Variants in MAST4 observed in about 807,000 individuals in gnomAD.
The protein encoded by MAST4 is microtubule-associated serine/threonine-protein kinase 4.
MAST4 carries 89 observed loss-of-function variants against 162.7 expected under a neutral mutation model. That is an observed-to-expected ratio of 0.55 (90% CI 0.46 to 0.65). The LOEUF (loss-of-function observed/expected upper bound fraction) is 0.65, where lower values mean the gene tolerates loss of function less well. MAST4 is among the 30% of genes least tolerant of loss of function. The probability of loss-of-function intolerance (pLI) is 0.00; values close to 1 mark genes in which losing one functional copy is unlikely to be tolerated. For missense variants in MAST4, 3,153 were observed against 3,374.0 expected (o/e 0.93, Z 1.62); for synonymous variants, 1,479 against 1,361.1 (o/e 1.09, Z -1.91).
At chr5:66,598,306 C>T (rs1742330635) in intron 1 of MAST4, among the ~76,000 whole-genome samples, 1 of 152,206 alleles carries the variant, frequency 6.6e-6, no homozygotes, top group Non-Finnish European at 1.5e-5. Flanking sequence ...AGAACTGCCT[C>T]TGCTACTGAG....
chr5:67,154,546 G>A (rs983505388), intron 26 of MAST4, among the ~76,000 whole-genome samples: 1 of 152,090 alleles, frequency 6.6e-6, no homozygotes, highest in African/African-American at 2.4e-5. Flanking sequence ...AGAGGACTCT[G>A]GCAAGGTCTC....
intron 2 of MAST4, among the ~76,000 whole-genome samples, chr5:66,764,226 A>T (rs949788659): frequency 1.3e-5 from 2 of 152,114 alleles, no homozygotes; most frequent in Non-Finnish European, 2.9e-5. Context: ...TTGGGTCCAG[A>T]TTTGTTCTAT....
rs555304852 is a variant in MAST4 at position 66,817,312 on chromosome 5, C to G, written c.642+28518C>G. Among the ~76,000 whole-genome samples, 3 of 152,226 alleles carry G rather than the reference C, an allele frequency of 2.0e-5. No individual in the cohort carries two copies. The East Asian group carries it at 5.8e-4, about 29-fold the overall frequency. On this transcript the variant is annotated intron_variant, in intron 3 of 28. Coordinates refer to ENST00000403625, the MANE Select transcript of MAST4 (RefSeq NM_001164664.2). Reference sequence around the variant, plus strand: ...TCTGACTCAGGGCATTTTTATTGCCCAGGTAGATAGTTCTCCTTTACTTGA... The same window carrying G: ...TCTGACTCAGGGCATTTTTATTGCCGAGGTAGATAGTTCTCCTTTACTTGA...
intron 4 of MAST4, among the ~76,000 whole-genome samples, chr5:66,918,006 T>C (rs1353065136): frequency 6.6e-6 from 1 of 152,092 alleles, no homozygotes; most frequent in Non-Finnish European, 1.5e-5. Flanking sequence ...AGTGTGGAGA[T>C]CTCTTTACCT....
chr5:66,876,049 G>A (rs1017640323), intron 3 of MAST4, among the ~76,000 whole-genome samples: 6 of 152,186 alleles, frequency 3.9e-5, no homozygotes, highest in Admixed American at 6.5e-5. Context: ...TTACAGGTGT[G>A]AGCCACTGTG....
intron 4 of MAST4, among the ~76,000 whole-genome samples, chr5:66,906,401 C>T (rs1763357777): frequency 6.6e-6 from 1 of 152,156 alleles, no homozygotes; most frequent in African/African-American, 2.4e-5. Context: ...TCCATTCACC[C>T]TTTCATTATT....
chr5:67,057,445 G>A (rs557418259), intron 5 of MAST4, among the ~76,000 whole-genome samples: 1 of 152,006 alleles, frequency 6.6e-6, no homozygotes, highest in South Asian at 2.1e-4. Flanking sequence ...AGTAGAGATG[G>A]GGACATTAAT....
chr5:66,959,545 C>T (rs1268318747), intron 4 of MAST4, among the ~76,000 whole-genome samples: 1 of 152,216 alleles, frequency 6.6e-6, no homozygotes, highest in Admixed American at 6.5e-5. Flanking sequence ...CTGGAAACAT[C>T]TTAACAGCTC....
At chr5:66,908,909 G>A (rs140553426) in intron 4 of MAST4, among the ~76,000 whole-genome samples, 98 of 152,260 alleles carry the variant, frequency 6.4e-4, no homozygotes, top group African/African-American at 2.2e-3. Context: ...GAATATTATT[G>A]TGTCCTCAAA....
At chr5:66,748,061 A>G (rs1401012113) in intron 1 of MAST4, among the ~76,000 whole-genome samples, 1 of 152,124 alleles carries the variant, frequency 6.6e-6, no homozygotes, top group Non-Finnish European at 1.5e-5. Flanking sequence ...GGGGATTTCT[A>G]GGGACTGAAG....
At chr5:66,740,799 G>A (rs889388776) in intron 1 of MAST4, among the ~76,000 whole-genome samples, 15 of 152,294 alleles carry the variant, frequency 9.8e-5, no homozygotes, top group South Asian at 4.1e-4. Context: ...TGCTGCCTGC[G>A]GGAATATGGA....
intron 1 of MAST4, among the ~76,000 whole-genome samples, chr5:66,661,775 A>G (rs933771377): frequency 6.6e-6 from 1 of 152,212 alleles, no homozygotes; most frequent in African/African-American, 2.4e-5. Flanking sequence ...AAGTTAGGAA[A>G]TGAAATGTGG....
chr5:67,105,633 T>C (rs1765513557), intron 10 of MAST4, among the ~76,000 whole-genome samples: 1 of 152,204 alleles, frequency 6.6e-6, no homozygotes, highest in Non-Finnish European at 1.5e-5. Context: ...TTCTCTCCCA[T>C]AAACTAAAAG....
At chr5:66,818,442 CAG>C (rs1410799098) in intron 3 of MAST4, among the ~76,000 whole-genome samples, 2 of 148,610 alleles carry the variant, frequency 1.3e-5, no homozygotes, top group African/African-American at 4.9e-5. Context: ...AAAAAAAAAA[CAG>C]AACAGATTTC....
At chr5:66,781,685 CAA>C (rs1754877480) in intron 2 of MAST4, among the ~76,000 whole-genome samples, 1 of 152,140 alleles carries the variant, frequency 6.6e-6, no homozygotes, top group South Asian at 2.1e-4. Context: ...GAAGTCACGT[CAA>C]GAGAGAGCTT....
intron 4 of MAST4, among the ~76,000 whole-genome samples, chr5:66,958,204 A>G (rs917244646): frequency 2.0e-5 from 3 of 152,182 alleles, no homozygotes; most frequent in Non-Finnish European, 4.4e-5. Context: ...GTACTTGAAA[A>G]TTAGAATTCT....
At chr5:67,037,491 A>C (rs186238587) in intron 4 of MAST4, among the ~76,000 whole-genome samples, 20 of 152,288 alleles carry the variant, frequency 1.3e-4, no homozygotes, top group Non-Finnish European at 2.2e-4. Flanking sequence ...CATTTGGAGG[A>C]CAGAAGAAGC....
chr5:66,752,260 C>T (rs1259643114), intron 1 of MAST4, among the ~76,000 whole-genome samples: 2 of 152,022 alleles, frequency 1.3e-5, no homozygotes, highest in African/African-American at 4.8e-5. Flanking sequence ...AACCAGCTAA[C>T]ATCATAATGA....
Position 67,057,677 on chromosome 5 carries a change from T to A in MAST4, c.763+3185T>A, listed in dbSNP as rs555157149. Reference sequence around the variant, plus strand: ...CTTATGTCCAGGAAGATTCTAAGCATGAAAAATAATCCAGAAGTCTCAAAG... The same window carrying A: ...CTTATGTCCAGGAAGATTCTAAGCAAGAAAAATAATCCAGAAGTCTCAAAG... On this transcript the variant is annotated intron_variant, in intron 5 of 28. Transcript: ENST00000403625. 8.6e-5 allele frequency among the ~76,000 whole-genome samples: 13 copies of A among 150,294 alleles called. No homozygotes were observed. In the East Asian group the frequency reaches 2.5e-3, roughly 29 times the overall value.
Sources: allele counts gnomAD v4.1 joint callset (sites outside exome capture counted in the v4.1 genomes callset), GRCh38; gene constraint gnomAD v4.1.1; transcripts MANE v1.5; gene names NCBI Gene and HGNC (gene_info 2026-07-23, HGNC 2026-07-21).